KAT2B: variants seen among roughly 807,000 people sequenced by gnomAD.
KAT2B encodes lysine acetyltransferase 2B.
KAT2B carries 36 observed loss-of-function variants against 105.9 expected under a neutral mutation model. The observed-to-expected ratio is 0.34, with a 90% CI of 0.26 to 0.45. KAT2B has a LOEUF of 0.45. Among genes scored for constraint, KAT2B ranks in the 20% least tolerant of loss-of-function variants. The pLI is 1.00. For synonymous variants in KAT2B, 397 were observed against 377.9 expected, an observed-to-expected ratio of 1.05 and a Z score of -0.59; for missense variants, 820 against 1,021.6, an observed-to-expected ratio of 0.80 and a Z score of 2.69.
At chr3:20,125,306 GAA>G (rs34271857) in intron 9 of KAT2B, among the ~76,000 whole-genome samples, 1 of 117,160 alleles carries the variant, frequency 8.5e-6, no homozygotes, top group African/African-American at 3.4e-5. Flanking sequence ...CTCCGTCTCA[GAA>G]AAAAAAAAAA....
chr3:20,065,990 G>C (rs1263944911), intron 1 of KAT2B, among the ~76,000 whole-genome samples: 3 of 152,072 alleles, frequency 2.0e-5, no homozygotes, highest in Admixed American at 6.6e-5. Flanking sequence ...CAAAATATGT[G>C]GCTTAAAACA....
chr3:20,133,298 T>C (rs534103535), intron 11 of KAT2B, among the ~76,000 whole-genome samples: 4 of 152,360 alleles, frequency 2.6e-5, no homozygotes, highest in African/African-American at 9.6e-5. Flanking sequence ...AAAAAAACTT[T>C]ACATTGTCCT....
intron 1 of KAT2B, 147 bp downstream of exon 1, chr3:20,040,927 C>G (rs982869738): frequency 1.0e-6 from 1 of 996,540 alleles, no homozygotes; most frequent in Non-Finnish European, 1.4e-6. Context: ...GTGCTCTTGT[C>G]GCCCGCGCCC....
rs527385829 is a variant in KAT2B at position 20,085,803 on chromosome 3, G to A, written c.431-9460G>A. 8.2e-4 allele frequency among the ~76,000 whole-genome samples: 124 copies of A among 152,034 alleles called. 3 individuals carry two copies. Among genetic ancestry groups the A allele is most frequent in the African/African-American group, 2.9e-3 (119 of 41,488 alleles). On this transcript the variant is annotated intron_variant, in intron 2 of 17. Coordinates refer to ENST00000263754, the MANE Select transcript of KAT2B (RefSeq NM_003884.5). ...TGGGATTACAGGCATGAGCCACTGCGCCCTGCCTACATGTAATTTTTCTAT... is the reference window on the plus strand; with the variant it reads ...TGGGATTACAGGCATGAGCCACTGCACCCTGCCTACATGTAATTTTTCTAT...
intron 8 of KAT2B, 148 bp from the exon 9 acceptor site, chr3:20,122,520 C>T (rs1212587003): frequency 3.6e-6 from 2 of 556,170 alleles, no homozygotes; most frequent in African/African-American, 1.9e-5. Context: ...GGCTCTCTTT[C>T]CTGTCTTCCT....
intron 1 of KAT2B, among the ~76,000 whole-genome samples, chr3:20,058,768 A>G (rs1036926282): frequency 1.3e-5 from 2 of 152,174 alleles, no homozygotes; most frequent in Admixed American, 1.3e-4. Context: ...TGTCCCAGGG[A>G]AGGATTACTG....
At chr3:20,092,792 C>T (rs1056883530) in intron 2 of KAT2B, among the ~76,000 whole-genome samples, 1 of 152,058 alleles carries the variant, frequency 6.6e-6, no homozygotes, top group Admixed American at 6.6e-5. Flanking sequence ...ATCTCCGCCT[C>T]CTGGGTTCAA....
At chr3:20,122,970 A>G in intron 9 of KAT2B, 166 bp downstream of exon 9, 1 of 984,392 alleles carries the variant, frequency 1.0e-6, no homozygotes, top group Non-Finnish European at 1.2e-6. Context: ...CAACTGATCA[A>G]GAGGTAATTC....
At chr3:20,096,691 T>G (rs1245648591) in intron 3 of KAT2B, among the ~76,000 whole-genome samples, 1 of 152,192 alleles carries the variant, frequency 6.6e-6, no homozygotes, top group Non-Finnish European at 1.5e-5. Flanking sequence ...AATTTTCCAG[T>G]GAGTTCCCTC....
chr3:20,085,607 T>G (rs1423466226), intron 2 of KAT2B, among the ~76,000 whole-genome samples: 1 of 151,380 alleles, frequency 6.6e-6, no homozygotes, highest in Admixed American at 6.6e-5. Flanking sequence ...ACCTCCTGGG[T>G]TCAAGTGATT....
At chr3:20,103,320 C>G (rs1698941247) in intron 5 of KAT2B, among the ~76,000 whole-genome samples, 1 of 152,146 alleles carries the variant, frequency 6.6e-6, no homozygotes, top group Admixed American at 6.6e-5. Flanking sequence ...GCATTTGCGA[C>G]TTTTAGCAGA....
chr3:20,096,619 T>G (rs1157111438), intron 3 of KAT2B, among the ~76,000 whole-genome samples: 1 of 152,222 alleles, frequency 6.6e-6, no homozygotes, highest in Non-Finnish European at 1.5e-5. Flanking sequence ...CATTTTATAA[T>G]AACTCTCCTT....
Position 20,049,167 on chromosome 3 carries a change from G to A in KAT2B, c.303+8387G>A, listed in dbSNP as rs143487608. On this transcript the variant is annotated intron_variant, in intron 1 of 17. Transcript: ENST00000263754. Reference sequence around the variant, plus strand: ...GAGCCACCGCGCCTGGCCGGGCATCGCCTTAACTGCCTAGTTTCAGTTTCC... The same window carrying A: ...GAGCCACCGCGCCTGGCCGGGCATCACCTTAACTGCCTAGTTTCAGTTTCC... Among the ~76,000 whole-genome samples the A allele has an allele frequency of 5.6e-3, 848 of 152,132 alleles. 10 individuals carry two copies. Among genetic ancestry groups the A allele is most frequent in the African/African-American group, 0.019 (803 of 41,514 alleles).
chr3:20,119,662 G>A lies in KAT2B; in HGVS notation c.1215G>A (p.Gln405=). Residue 405 remains glutamine, a synonymous_variant, in exon 8 of 18, where the codon CAG becomes CAA. Transcript: ENST00000263754. ...SYNSTSSSLE[Q]PNAGSSSPAC... is the part of the protein sequence containing the mutation. ...ATTCAACCTCATCTTCCCTTGAGCA[G>A]CCAAACGCAGGGAGCAGCAGTCCTG... 1 of 1,614,080 alleles carries A rather than the reference G, an allele frequency of 6.2e-7. No individual in the cohort carries two copies. Among genetic ancestry groups the A allele is most frequent in the Non-Finnish European group, 8.5e-7 (1 of 1,179,974 alleles).
intron 1 of KAT2B, among the ~76,000 whole-genome samples, chr3:20,054,245 C>T (rs888017111): frequency 2.6e-5 from 4 of 152,044 alleles, no homozygotes; most frequent in African/African-American, 9.7e-5. Context: ...TTCTCTGCCT[C>T]AGCCTCCTGA....
chr3:20,122,945 T>G (rs1699337079), intron 9 of KAT2B, 141 bp downstream of exon 9: 34 of 1,365,936 alleles, frequency 2.5e-5, no homozygotes, highest in Non-Finnish European at 3.2e-5. Context: ...GTGGTCAGTG[T>G]GGAGAGGGCA....
intron 11 of KAT2B, among the ~76,000 whole-genome samples, chr3:20,133,986 A>G (rs539439365): frequency 7.9e-5 from 12 of 152,070 alleles, no homozygotes; most frequent in African/African-American, 2.4e-4. Flanking sequence ...ATATTTATGT[A>G]TTTTTGATAT....
intron 1 of KAT2B, among the ~76,000 whole-genome samples, chr3:20,063,871 A>T (rs1698181795): frequency 6.6e-6 from 1 of 151,994 alleles, no homozygotes. Context: ...GAAGTCTTTC[A>T]TCTATTTTGA....
At chr3:20,111,808 G>C (rs745793840) in intron 6 of KAT2B, 21 bp downstream of exon 6, 1 of 1,593,820 alleles carries the variant, frequency 6.3e-7, no homozygotes, top group Non-Finnish European at 8.6e-7. Context: ...GTTTTTGCTG[G>C]TCTTTGTTTG....
Sources: allele counts gnomAD v4.1 joint callset (sites outside exome capture counted in the v4.1 genomes callset), GRCh38; gene constraint gnomAD v4.1.1; transcripts MANE v1.5; gene names NCBI Gene and HGNC (gene_info 2026-07-23, HGNC 2026-07-21).